Variants in LINGO2 observed in about 807,000 individuals in gnomAD.
LINGO2 encodes the protein leucine rich repeat and Ig domain containing 2.
Under a neutral mutation model 30.6 loss-of-function variants are expected in LINGO2, and 14 were observed. The ratio of observed to expected loss-of-function variants is 0.46; its 90% CI spans 0.30 to 0.72. The LOEUF (loss-of-function observed/expected upper bound fraction) is 0.72, where lower values mean the gene tolerates loss of function less well. Among genes scored for constraint, LINGO2 ranks in the 30% least tolerant of loss-of-function variants. The probability of loss-of-function intolerance (pLI) is 0.07; values close to 1 mark genes in which losing one functional copy is unlikely to be tolerated. For synonymous variants in LINGO2, 317 were observed against 288.5 expected (o/e 1.10, Z -1.00); for missense variants, 729 against 751.7 (o/e 0.97, Z 0.35).
At chr9:29,063,650 T>C in the LINGO2 span, among the ~76,000 whole-genome samples, 27 of 152,028 alleles carry the variant, frequency 1.8e-4, no homozygotes, top group Non-Finnish European at 4.4e-5. Context: ...TCTGCCTGCC[T>C]CCACCTCTGA....
intron 5 of LINGO2, among the ~76,000 whole-genome samples, chr9:27,980,074 A>C (rs1286116316): frequency 1.3e-5 from 2 of 151,908 alleles, no homozygotes; most frequent in Non-Finnish European, 2.9e-5. Flanking sequence ...TGTTCAGAGT[A>C]CTTTAGTTAA....
At chr9:28,330,108 C>T (rs147183812) in intron 3 of LINGO2, among the ~76,000 whole-genome samples, 5 of 152,080 alleles carry the variant, frequency 3.3e-5, no homozygotes, top group East Asian at 1.9e-4. Flanking sequence ...TTTATAAGAA[C>T]GAACAGGAGA....
chr9:29,159,907 T>G, the LINGO2 span, among the ~76,000 whole-genome samples: 1 of 151,964 alleles, frequency 6.6e-6, no homozygotes, highest in African/African-American at 2.4e-5. Context: ...CACAACCACC[T>G]AACATGTAGG....
chr9:29,160,819 G>C, the LINGO2 span, among the ~76,000 whole-genome samples: 1 of 152,324 alleles, frequency 6.6e-6, no homozygotes, highest in East Asian at 1.9e-4. Context: ...ATTATGCCGA[G>C]GCAGACATCC....
At chr9:28,393,691 C>G (rs1472294404) in intron 2 of LINGO2, among the ~76,000 whole-genome samples, 1 of 152,132 alleles carries the variant, frequency 6.6e-6, no homozygotes, top group Admixed American at 6.5e-5. Flanking sequence ...TCAGGCCTTA[C>G]CAGGAGGAAA....
chr9:28,353,796 A>G (rs1416485016), intron 3 of LINGO2, among the ~76,000 whole-genome samples: 8 of 152,156 alleles, frequency 5.3e-5, no homozygotes, highest in Non-Finnish European at 1.2e-4. Flanking sequence ...AATGTGGCAC[A>G]TATACACCAT....
At chr9:29,186,742 T>C in the LINGO2 span, among the ~76,000 whole-genome samples, 2 of 151,936 alleles carry the variant, frequency 1.3e-5, no homozygotes, top group African/African-American at 4.8e-5. Flanking sequence ...TTTAGAAAGA[T>C]TGTCTGCATC....
At chr9:28,791,580 C>G in the LINGO2 span, among the ~76,000 whole-genome samples, 1 of 151,926 alleles carries the variant, frequency 6.6e-6, no homozygotes, top group Non-Finnish European at 1.5e-5. Context: ...CTTGAATATA[C>G]TTGAATATAT....
chr9:28,440,196 A>G (rs2135011224), intron 2 of LINGO2, among the ~76,000 whole-genome samples: 1 of 152,290 alleles, frequency 6.6e-6, no homozygotes, highest in Non-Finnish European at 1.5e-5. Context: ...ACTCAGGAGT[A>G]TGTGCATTTT....
intron 1 of LINGO2, among the ~76,000 whole-genome samples, chr9:28,539,510 AAAC>A (rs1821584682): frequency 6.6e-6 from 1 of 152,138 alleles, no homozygotes; most frequent in South Asian, 2.1e-4. Flanking sequence ...ATAAAAAAAA[AAAC>A]AAGGCAAACA....
Position 28,580,363 on chromosome 9 carries a change from G to A in LINGO2, c.-365+89837C>T, listed in dbSNP as rs563204583. Among the ~76,000 whole-genome samples, 9 of 152,124 alleles carry A rather than the reference G, an allele frequency of 5.9e-5. No individual in the cohort carries two copies. The South Asian group carries it at 1.9e-3, about 32-fold the overall frequency. ...ATCATGAAACTGGCCCCAGCACAGT[G>A]GTTTTAAGGCAAAACACTTAAAGTT... On this transcript the variant is annotated intron_variant, in intron 1 of 5. Coordinates refer to ENST00000379992, the Ensembl canonical transcript of LINGO2.
chr9:29,175,998 G>A, the LINGO2 span, among the ~76,000 whole-genome samples: 1 of 151,978 alleles, frequency 6.6e-6, no homozygotes, highest in African/African-American at 2.4e-5. Context: ...AATCCTTACT[G>A]AGGACATCTT....
intron 2 of LINGO2, among the ~76,000 whole-genome samples, chr9:28,473,802 T>C (rs1476805840): frequency 6.6e-6 from 1 of 152,122 alleles, no homozygotes; most frequent in African/African-American, 2.4e-5. Context: ...AAACTAATAA[T>C]AGGTTGACTG....
chr9:28,463,935 G>A (rs1449913030), intron 2 of LINGO2, among the ~76,000 whole-genome samples: 1 of 152,062 alleles, frequency 6.6e-6, no homozygotes, highest in Non-Finnish European at 1.5e-5. Flanking sequence ...GAGGAAATGA[G>A]CCTGTTTTCA....
At chr9:29,108,515 A>G in the LINGO2 span, among the ~76,000 whole-genome samples, 23 of 152,170 alleles carry the variant, frequency 1.5e-4, no homozygotes, top group Admixed American at 1.5e-3. Context: ...AGCAAGGAGC[A>G]AAGATGCTAC....
At chr9:28,936,433 A>G in the LINGO2 span, among the ~76,000 whole-genome samples, 1 of 152,186 alleles carries the variant, frequency 6.6e-6, no homozygotes, top group Admixed American at 6.5e-5. Flanking sequence ...TTTCCCTTAA[A>G]TCATCTTATT....
the LINGO2 span, among the ~76,000 whole-genome samples, chr9:28,685,723 T>A: frequency 6.6e-6 from 1 of 152,098 alleles, no homozygotes; most frequent in African/African-American, 2.4e-5. Context: ...TGTCATATAT[T>A]CAAAGTCAGA....
chr9:28,890,656 A>G, the LINGO2 span, among the ~76,000 whole-genome samples: 1 of 152,072 alleles, frequency 6.6e-6, no homozygotes, highest in African/African-American at 2.4e-5. Flanking sequence ...CCTCCTCATT[A>G]TGTGGCTATA....
At chr9:28,938,913 G>C in the LINGO2 span, among the ~76,000 whole-genome samples, 1 of 152,130 alleles carries the variant, frequency 6.6e-6, no homozygotes, top group African/African-American at 2.4e-5. Flanking sequence ...AGAAATAAGA[G>C]CTCACACGCA....
Sources: allele counts gnomAD v4.1 joint callset (sites outside exome capture counted in the v4.1 genomes callset), GRCh38; gene constraint gnomAD v4.1.1; transcripts MANE v1.5; gene names NCBI Gene and HGNC (gene_info 2026-07-23, HGNC 2026-07-21).